Variants in MTPN observed in about 807,000 individuals in gnomAD.
The protein encoded by MTPN is myotrophin.
MTPN carries 2 observed loss-of-function variants against 13.5 expected under a neutral mutation model. The observed-to-expected ratio is 0.15, with a 90% CI of 0.06 to 0.47. The LOEUF is 0.47. Among genes scored for constraint, MTPN ranks in the 20% least tolerant of loss-of-function variants. The probability of loss-of-function intolerance (pLI) is 0.97; values close to 1 mark genes in which losing one functional copy is unlikely to be tolerated. For missense variants in MTPN, 79 were observed against 137.9 expected (o/e 0.57, Z 2.14); for synonymous variants, 46 against 51.7 (o/e 0.89, Z 0.48).
At chr7:135,976,537 T>A (rs1478507742) in intron 1 of MTPN, among the ~76,000 whole-genome samples, 1 of 146,214 alleles carries the variant, frequency 6.8e-6, no homozygotes, top group Non-Finnish European at 1.5e-5. Context: ...CTATTTTCGG[T>A]ACTCTTTTCA....
chr7:135,972,215 ACACG>A (rs1421544213), intron 1 of MTPN, among the ~76,000 whole-genome samples: 2 of 85,952 alleles, frequency 2.3e-5, no homozygotes, highest in South Asian at 4.5e-4. Context: ...ACACACGCGC[ACACG>A]CGCACGCGCG....
At chr7:135,969,122 A>G in intron 1 of MTPN, among the ~76,000 whole-genome samples, 3 of 129,430 alleles carry the variant, frequency 2.3e-5, no homozygotes, top group Admixed American at 8.0e-5. Context: ...TAGCATTGGG[A>G]GATATACCTA....
intron 1 of MTPN, 125 bp from the exon 2 acceptor site, chr7:135,951,755 G>A (rs1217398723): frequency 1.8e-6 from 1 of 570,608 alleles, no homozygotes; most frequent in Non-Finnish European, 3.0e-6. Flanking sequence ...AACATTTCTT[G>A]CAAAATAAAA....
Position 135,927,964 on chromosome 7 carries a change from A to G in MTPN, c.*1962T>C, listed in dbSNP as rs1798950793. The G allele has an allele frequency of 3.3e-6, 1 of 301,414 alleles. No individual in the cohort carries two copies. The highest frequency in any genetic ancestry group is 6.8e-6 in the Non-Finnish European group (1 of 147,824). The allele number at this position is 301,414 out of a possible 1,614,324, so 18.7% of individuals were successfully genotyped here. A position where few individuals can be genotyped will look rare whatever the true frequency, so the allele number is the denominator to read the frequency against. ...AAAATTATATAAAGGGAAAAATTCA[A>G]GCCTTTAAATAGCATTATGTCAAGA... On this transcript the variant is annotated 3_prime_UTR_variant, in exon 4 of 4. Coordinates refer to ENST00000393085, the MANE Select transcript of MTPN (RefSeq NM_145808.4).
chr7:135,966,443 G>C (rs1335388242), intron 1 of MTPN, among the ~76,000 whole-genome samples: 1 of 151,920 alleles, frequency 6.6e-6, no homozygotes, highest in African/African-American at 2.4e-5. Context: ...CCCTAAGCAG[G>C]GATATGATTT....
chr7:135,963,803 A>C (rs897252410), intron 1 of MTPN, among the ~76,000 whole-genome samples: 10 of 151,994 alleles, frequency 6.6e-5, no homozygotes, highest in Non-Finnish European at 1.0e-4. Context: ...TTCTTTCAAA[A>C]ATGACTACTT....
intron 2 of MTPN, among the ~76,000 whole-genome samples, chr7:135,950,932 G>A (rs1799356189): frequency 6.6e-6 from 1 of 152,024 alleles, no homozygotes; most frequent in Admixed American, 6.6e-5. Flanking sequence ...TCAAATCTTG[G>A]CTCTGCCACT....
intron 3 of MTPN, among the ~76,000 whole-genome samples, chr7:135,933,442 T>A (rs1444608750): frequency 2.6e-5 from 4 of 152,310 alleles, no homozygotes; most frequent in Middle Eastern, 3.4e-3. Context: ...TTTTATAAGA[T>A]ACTTTCTCAA....
intron 3 of MTPN, among the ~76,000 whole-genome samples, chr7:135,930,662 T>C (rs1227162016): frequency 3.3e-5 from 5 of 152,228 alleles, no homozygotes; most frequent in Middle Eastern, 3.4e-3. Flanking sequence ...TATGTGCCCT[T>C]TTGTGCCTGT....
At chr7:135,935,243 C>CT (rs35519952) in intron 3 of MTPN, among the ~76,000 whole-genome samples, 7,213 of 144,922 alleles carry the variant, frequency 0.05, 299 homozygotes, top group East Asian at 0.18. Context: ...TGATTTCTTT[C>CT]TTTTTTTTTT....
intron 3 of MTPN, among the ~76,000 whole-genome samples, chr7:135,945,406 A>G (rs1350675193): frequency 6.6e-6 from 1 of 152,234 alleles, no homozygotes; most frequent in East Asian, 1.9e-4. Flanking sequence ...AGCTTAAAAC[A>G]CAAGTACACT....
intron 1 of MTPN, among the ~76,000 whole-genome samples, chr7:135,969,831 C>CA (rs1200744919): frequency 6.6e-6 from 1 of 152,066 alleles, no homozygotes; most frequent in Non-Finnish European, 1.5e-5. Context: ...AGAGTTTATA[C>CA]AAACCAATAA....
At chr7:135,975,084 T>G (rs1254925378) in intron 1 of MTPN, among the ~76,000 whole-genome samples, 1 of 152,208 alleles carries the variant, frequency 6.6e-6, no homozygotes, top group South Asian at 2.1e-4. Flanking sequence ...CTCCCTCTTA[T>G]GCAAATTTTT....
chr7:135,975,138 A>C (rs1799753586), intron 1 of MTPN, among the ~76,000 whole-genome samples: 1 of 152,230 alleles, frequency 6.6e-6, no homozygotes, highest in African/African-American at 2.4e-5. Flanking sequence ...TAGGGAAAAT[A>C]ATCAAATTGA....
intron 3 of MTPN, among the ~76,000 whole-genome samples, chr7:135,930,735 G>C (rs1015033358): frequency 3.3e-5 from 5 of 152,108 alleles, no homozygotes; most frequent in Admixed American, 1.3e-4. Context: ...ATTCACCACT[G>C]TACTCCAGCA....
At chr7:135,960,917 T>C (rs2116393153) in intron 1 of MTPN, 1 of 152,042 alleles carries the variant, frequency 6.6e-6, no homozygotes, top group East Asian at 1.9e-4. Flanking sequence ...AAGGGTGTCT[T>C]AAGAAGAGAA....
chr7:135,940,094 T>C (rs1799186130), intron 3 of MTPN, among the ~76,000 whole-genome samples: 1 of 152,198 alleles, frequency 6.6e-6, no homozygotes, highest in Non-Finnish European at 1.5e-5. Context: ...GAAACTACTA[T>C]ACTCACAAAG....
chr7:135,954,083 C>T (rs1799404585), intron 1 of MTPN, among the ~76,000 whole-genome samples: 1 of 152,156 alleles, frequency 6.6e-6, no homozygotes, highest in South Asian at 2.1e-4. Context: ...AGACCAGGTA[C>T]TTTCTAAATT....
At position 135,951,706 on chromosome 7, in the gene MTPN, T is replaced by A. The variant is rs552649596; in HGVS notation, c.73-76A>T. On this transcript the variant is annotated intron_variant, in intron 1 of 3. Transcript: ENST00000393085. ...GAAGTGAAATGAGGCACCTGATACT[T>A]TTACTTTCTTAAAGCCGTGAGAGTT... 4.8e-5 allele frequency: 43 copies of A among 900,814 alleles called. 1 individual carries two copies. The East Asian group carries it at 1.0e-3, about 22-fold the overall frequency. The allele number at this position is 900,814 out of a possible 1,614,324, so 55.8% of individuals were successfully genotyped here. A position where few individuals can be genotyped will look rare whatever the true frequency, so the allele number is the denominator to read the frequency against.
Sources: allele counts gnomAD v4.1 joint callset (sites outside exome capture counted in the v4.1 genomes callset), GRCh38; gene constraint gnomAD v4.1.1; transcripts MANE v1.5; gene names NCBI Gene and HGNC (gene_info 2026-07-23, HGNC 2026-07-21).